The following NAV2 variants were observed in gnomAD, a reference collection of about 807,000 sequenced individuals.
NAV2 encodes the protein neuron navigator 2, also known as helicase, APC down-regulated 1.
Under a neutral mutation model 223.2 loss-of-function variants are expected in NAV2, and 54 were observed. The observed-to-expected ratio is 0.24, with a 90% CI of 0.19 to 0.30. The LOEUF is 0.30. NAV2 is among the 10% of genes least tolerant of loss of function. The pLI is 1.00. For synonymous variants in NAV2, 1,279 were observed against 1,239.3 expected (o/e 1.03, Z -0.67); for missense variants, 2,806 against 3,147.5 (o/e 0.89, Z 2.60).
rs539481129 is a variant in NAV2 at position 19,426,454 on chromosome 11, G to GA, written c.75+75435dup. Among the ~76,000 whole-genome samples the GA allele has an allele frequency of 2.4e-4, 37 of 152,044 alleles. 1 individual carries two copies. The South Asian group carries it at 7.5e-3, about 31-fold the overall frequency. ...AAACCAGGGATGCTCCTTGGTTACA[G>GA]AAAAAAAATATTCGCCTTTTTGCTC... On this transcript the variant is annotated intron_variant, in intron 1 of 37. Coordinates refer to the NAV2 transcript ENST00000360655.
intron 5 of NAV2, among the ~76,000 whole-genome samples, 194 bp downstream of exon 5, chr11:19,880,321 A>G (rs1268078460): frequency 1.3e-5 from 2 of 152,206 alleles, no homozygotes; most frequent in African/African-American, 4.8e-5. Flanking sequence ...GCAGAGATGT[A>G]TACTTTTATA....
intron 10 of NAV2, among the ~76,000 whole-genome samples, chr11:19,958,291 A>G (rs1363201927): frequency 2.0e-5 from 3 of 152,224 alleles, no homozygotes; most frequent in Non-Finnish European, 2.9e-5. Flanking sequence ...TGAGTTTGTT[A>G]TATGTTAAAG....
rs772293918 is a variant in NAV2, at chr11:20,097,566, A to ATT, written c.6013-6_6013-5dup. The ATT allele has an allele frequency of 6.4e-7, 1 of 1,560,098 alleles. No individual in the cohort carries two copies. Among genetic ancestry groups the ATT allele is most frequent in the East Asian group, 2.3e-5 (1 of 43,528 alleles). ...ATCTTTGATGGGGTCTTTATTTTTT[A>ATT]TTTTTTCCAGGAATACATCATTCAT... On this transcript the variant is annotated splice_polypyrimidine_tract_variant and intron_variant, in intron 30 of 37. Transcript: ENST00000349880.
chr11:20,050,410 G>A (rs1005853253), intron 16 of NAV2, among the ~76,000 whole-genome samples: 11 of 151,930 alleles, frequency 7.2e-5, no homozygotes, highest in African/African-American at 1.9e-4. Context: ...CATTTCCTGC[G>A]ATGATAATGA....
chr11:19,364,111 C>A (rs534290709), intron 1 of NAV2, among the ~76,000 whole-genome samples: 16 of 152,284 alleles, frequency 1.1e-4, no homozygotes, highest in African/African-American at 3.9e-4. Context: ...TAGTTGGATC[C>A]TCTGGCAGCC....
chr11:19,726,080 G>T (rs1001222614), intron 1 of NAV2, among the ~76,000 whole-genome samples: 2 of 152,202 alleles, frequency 1.3e-5, no homozygotes, highest in African/African-American at 4.8e-5. Context: ...GGCAGACAGG[G>T]TGCTTATTTT....
chr11:19,658,882 C>T (rs1301678560), intron 1 of NAV2, among the ~76,000 whole-genome samples: 2 of 152,272 alleles, frequency 1.3e-5, no homozygotes, highest in East Asian at 1.9e-4. Flanking sequence ...CAAGGGTGCT[C>T]AGCTGGAGGC....
intron 11 of NAV2, 83 bp from the exon 12 acceptor site, chr11:20,035,876 A>T: frequency 6.5e-7 from 1 of 1,526,922 alleles, no homozygotes. Context: ...CTTTTCGGGG[A>T]TGGTGTTTGT....
chr11:19,667,968 C>G (rs1237512047), intron 1 of NAV2, among the ~76,000 whole-genome samples: 1 of 152,168 alleles, frequency 6.6e-6, no homozygotes, highest in East Asian at 1.9e-4. Context: ...TGCCCTTATA[C>G]TTCTAAGGTC....
At chr11:20,100,554 T>A (rs1291223081) in intron 31 of NAV2, among the ~76,000 whole-genome samples, 1 of 62,618 alleles carries the variant, frequency 1.6e-5, no homozygotes, top group East Asian at 3.8e-4. Context: ...GGGGTGTGTG[T>A]GTGTGTGTGT....
chr11:19,920,201 G>A (rs2044163692), intron 6 of NAV2, among the ~76,000 whole-genome samples: 1 of 152,084 alleles, frequency 6.6e-6, no homozygotes, highest in Admixed American at 6.5e-5. Flanking sequence ...CCATGACTTG[G>A]GCAAGTTGCT....
chr11:20,106,155 GTATATATATATATATATATA>G (rs1554968868), intron 35 of NAV2, among the ~76,000 whole-genome samples: 5,036 of 31,420 alleles, frequency 0.16, 1,123 homozygotes, highest in East Asian at 0.6. Flanking sequence ...GTGTGTGTGT[GTATATATATATATATATATA>G]TGTGTGTGTA....
At position 19,553,119 on chromosome 11, in the gene NAV2, T is replaced by C. The variant is rs187244165; in HGVS notation, c.75+202092T>C. ...CCCTTGGTGAGGAGAGGCATTCCTG[T>C]TCCCTTGCAAGAGCCGGGCTCAGAA... On this transcript the variant is annotated intron_variant, in intron 1 of 37. Transcript: ENST00000360655. Among the ~76,000 whole-genome samples the C allele has an allele frequency of 2.3e-3, 352 of 152,314 alleles. 2 individuals are homozygous for C. Among genetic ancestry groups the C allele is most frequent in the African/African-American group, 8.2e-3 (339 of 41,570 alleles).
At chr11:19,999,366 G>A (rs1223228876) in intron 11 of NAV2, among the ~76,000 whole-genome samples, 1 of 152,168 alleles carries the variant, frequency 6.6e-6, no homozygotes, top group African/African-American at 2.4e-5. Context: ...TTATTGCTTT[G>A]GGAAAATGTG....
At chr11:19,731,668 C>A (rs545331624) in intron 1 of NAV2, among the ~76,000 whole-genome samples, 4 of 152,202 alleles carry the variant, frequency 2.6e-5, no homozygotes, top group Admixed American at 2.6e-4. Flanking sequence ...GAGATGAAAT[C>A]CTGGGCCACG....
At chr11:19,357,678 T>C (rs1005159821) in intron 1 of NAV2, among the ~76,000 whole-genome samples, 3 of 152,226 alleles carry the variant, frequency 2.0e-5, no homozygotes, top group African/African-American at 7.2e-5. Flanking sequence ...AAATTCCTTC[T>C]GGTTTAAACT....
chr11:19,624,309 T>C (rs1326338151), intron 1 of NAV2, among the ~76,000 whole-genome samples: 1 of 152,208 alleles, frequency 6.6e-6, no homozygotes, highest in Non-Finnish European at 1.5e-5. Flanking sequence ...GACAGGGACA[T>C]TTAAGTCTGC....
At chr11:20,051,250 T>G (rs747219026) in intron 16 of NAV2, 39 bp from the exon 17 acceptor site, 12 of 1,583,832 alleles carry the variant, frequency 7.6e-6, no homozygotes, top group Non-Finnish European at 1.0e-5. Flanking sequence ...TTCTGTGTGC[T>G]GCTCTGAAGT....
intron 1 of NAV2, among the ~76,000 whole-genome samples, chr11:19,430,177 A>C (rs1850989260): frequency 6.6e-6 from 1 of 152,140 alleles, no homozygotes. Flanking sequence ...CCTAGGGCAG[A>C]GCAAGGGAAG....
Sources: gnomAD v4.1 joint callset for allele counts (sites outside exome capture counted in the v4.1 genomes callset) on GRCh38, gnomAD v4.1.1 for gene constraint, MANE v1.5 for transcripts, NCBI Gene and HGNC (gene_info 2026-07-23, HGNC 2026-07-21) for gene names.